The following WDFY4 variants were observed in gnomAD, a reference collection of about 807,000 sequenced individuals.
WDFY4 encodes WD repeat- and FYVE domain-containing protein 4.
WDFY4 carries 169 observed loss-of-function variants against 351.9 expected under a neutral mutation model. The observed-to-expected ratio is 0.48, with a 90% CI of 0.42 to 0.55. WDFY4 has a LOEUF of 0.55. Among genes scored for constraint, WDFY4 ranks in the 20% least tolerant of loss-of-function variants. The pLI is 0.00. For missense variants in WDFY4, 3,803 were observed against 3,935.6 expected, an observed-to-expected ratio of 0.97 and a Z score of 0.90; for synonymous variants, 1,622 against 1,574.6, an observed-to-expected ratio of 1.03 and a Z score of -0.71.
rs78218203 is a variant in WDFY4, at chr10:48,709,976, C to T, written c.234+10C>T. Reference sequence around the variant, plus strand: ...CCCCCTATTCCTAAAGGTTAGTGTTCTTATTTTTGAAACTGTAAGGTGATA... The same window carrying T: ...CCCCCTATTCCTAAAGGTTAGTGTTTTTATTTTTGAAACTGTAAGGTGATA... On this transcript the variant is annotated intron_variant, in intron 2 of 61. Coordinates refer to ENST00000325239, the MANE Select transcript of WDFY4 (RefSeq NM_001394531.1). The T allele has an allele frequency of 2.8e-3, 4,291 of 1,542,088 alleles. 93 individuals carry two copies. In the African/African-American group the frequency reaches 0.051, roughly 18 times the overall value.
intron 12 of WDFY4, among the ~76,000 whole-genome samples, chr10:48,756,478 T>C (rs2065341198): frequency 6.6e-6 from 1 of 152,024 alleles, no homozygotes; most frequent in Admixed American, 6.6e-5. Context: ...GTTTTTGGTC[T>C]TCCTTTCCAA....
At chr10:48,916,659 A>C (rs1015638495) in intron 47 of WDFY4, among the ~76,000 whole-genome samples, 3 of 152,218 alleles carry the variant, frequency 2.0e-5, no homozygotes, top group African/African-American at 7.2e-5. Flanking sequence ...GGAGCCACAG[A>C]GTTCAGAGAG....
chr10:48,822,365 C>G lies in WDFY4; in HGVS notation c.5825-15C>G, dbSNP rs780229363. ...CATTTAGACTCTCACCTCCACCTGT[C>G]CCCTCACTCCACAGACGGCAAAGAG... is the stretch of plus-strand genomic sequence containing the variant. On this transcript the variant is annotated splice_polypyrimidine_tract_variant and intron_variant, in intron 34 of 61. Transcript: ENST00000325239. 1.3e-6 allele frequency: 2 copies of G among 1,527,460 alleles called. No homozygotes were observed. Among genetic ancestry groups the G allele is most frequent in the Admixed American group, 4.0e-5 (2 of 49,550 alleles). The allele number at this position is 1,527,460 out of a possible 1,614,324, so 94.6% of individuals were successfully genotyped here. A position where few individuals can be genotyped will look rare whatever the true frequency, so the allele number is the denominator to read the frequency against.
chr10:48,804,617 C>T (rs2067194602), intron 25 of WDFY4: 2 of 613,122 alleles, frequency 3.3e-6, no homozygotes, highest in South Asian at 1.4e-4. Context: ...CCAAAGTCAC[C>T]CTCCTCCACA....
At chr10:48,929,233 G>A (rs1169811872) in intron 47 of WDFY4, among the ~76,000 whole-genome samples, 2 of 151,936 alleles carry the variant, frequency 1.3e-5, no homozygotes, top group Admixed American at 6.6e-5. Flanking sequence ...AGGAGAGAAG[G>A]AGGACAGAGG....
intron 47 of WDFY4, among the ~76,000 whole-genome samples, chr10:48,939,197 C>T (rs998466845): frequency 6.6e-6 from 1 of 152,222 alleles, no homozygotes; most frequent in Non-Finnish European, 1.5e-5. Flanking sequence ...AAGCAGGCCC[C>T]ACTCTGCCAC....
chr10:48,762,165 C>A lies in WDFY4; in HGVS notation c.2553+1725C>A, dbSNP rs569294039. Reference sequence around the variant, plus strand: ...TACTAGTTGGCATTATTAGTCACAGCCTAAAAATGACAGTGGCCTCATAAA... The same window carrying A: ...TACTAGTTGGCATTATTAGTCACAGACTAAAAATGACAGTGGCCTCATAAA... On this transcript the variant is annotated intron_variant, in intron 13 of 61. Coordinates refer to ENST00000325239, the MANE Select transcript of WDFY4 (RefSeq NM_001394531.1). Among the ~76,000 whole-genome samples the A allele has an allele frequency of 5.0e-4, 76 of 152,290 alleles. No homozygotes were observed. In the South Asian group the frequency reaches 0.015, roughly 29 times the overall value.
At chr10:48,872,479 C>G (rs1006192117) in intron 40 of WDFY4, among the ~76,000 whole-genome samples, 2 of 152,228 alleles carry the variant, frequency 1.3e-5, no homozygotes, top group African/African-American at 4.8e-5. Flanking sequence ...AGGTGCAGGG[C>G]TCAGCCTAAC....
At chr10:48,892,208 C>T (rs1836838767) in intron 44 of WDFY4, among the ~76,000 whole-genome samples, 1 of 152,236 alleles carries the variant, frequency 6.6e-6, no homozygotes, top group Non-Finnish European at 1.5e-5. Context: ...TAATCCACTG[C>T]TGTGCTCTTC....
At chr10:48,868,787 A>G (rs1480712027) in intron 40 of WDFY4, among the ~76,000 whole-genome samples, 1 of 152,204 alleles carries the variant, frequency 6.6e-6, no homozygotes, top group Non-Finnish European at 1.5e-5. Context: ...TCCAATGGTT[A>G]GAAGAGCCTG....
intron 31 of WDFY4, among the ~76,000 whole-genome samples, chr10:48,816,794 T>C (rs1039894305): frequency 1.3e-5 from 2 of 152,198 alleles, no homozygotes; most frequent in African/African-American, 4.8e-5. Flanking sequence ...ATATTAAAGA[T>C]GTGAATTTTA....
intron 42 of WDFY4, among the ~76,000 whole-genome samples, chr10:48,876,082 C>T (rs2069991958): frequency 6.6e-6 from 1 of 152,176 alleles, no homozygotes; most frequent in Non-Finnish European, 1.5e-5. Flanking sequence ...CCCTGGGTGT[C>T]TGTGACCCTG....
intron 47 of WDFY4, among the ~76,000 whole-genome samples, chr10:48,902,113 C>A (rs1274733044): frequency 6.6e-6 from 1 of 152,252 alleles, no homozygotes; most frequent in African/African-American, 2.4e-5. Flanking sequence ...AGGAAGCCAT[C>A]CTCTGCCTTT....
chr10:48,953,302 G>GTCTCTCTCTC (rs140127650), intron 51 of WDFY4, among the ~76,000 whole-genome samples: 13 of 126,020 alleles, frequency 1.0e-4, no homozygotes, highest in Admixed American at 2.5e-4. Flanking sequence ...CATGAGATAT[G>GTCTCTCTCTC]TCTCTCTCTC....
chr10:48,786,573 CT>C (rs2066412089), intron 19 of WDFY4, 65 bp from the exon 20 acceptor site: 8 of 1,245,914 alleles, frequency 6.4e-6, no homozygotes, highest in Middle Eastern at 2.2e-4. Flanking sequence ...TGTTATATCA[CT>C]TTGTATTTAC....
chr10:48,691,131 A>G (rs1017821941), intron 1 of WDFY4, among the ~76,000 whole-genome samples: 1 of 152,122 alleles, frequency 6.6e-6, no homozygotes, highest in Non-Finnish European at 1.5e-5. Flanking sequence ...CCAGGCCAGA[A>G]TTTGGGACAG....
intron 12 of WDFY4, among the ~76,000 whole-genome samples, chr10:48,749,002 C>G (rs975731617): frequency 2.0e-5 from 3 of 152,160 alleles, no homozygotes; most frequent in African/African-American, 7.2e-5. Context: ...CTTTATTTCT[C>G]TAATCTTCCA....
intron 23 of WDFY4, among the ~76,000 whole-genome samples, chr10:48,791,224 G>A (rs2066668633): frequency 6.6e-6 from 1 of 152,240 alleles, no homozygotes; most frequent in African/African-American, 2.4e-5. Context: ...GTGGCTGAGA[G>A]CCCAGGCTGC....
At chr10:48,943,214 C>T in intron 48 of WDFY4, 116 bp from the exon 49 acceptor site, 2 of 1,242,984 alleles carry the variant, frequency 1.6e-6, no homozygotes, top group Non-Finnish European at 2.2e-6. Flanking sequence ...GAGGGGCTGG[C>T]TGCCTGTCCT....
Sources: allele counts gnomAD v4.1 joint callset (sites outside exome capture counted in the v4.1 genomes callset), GRCh38; gene constraint gnomAD v4.1.1; transcripts MANE v1.5; gene names NCBI Gene and HGNC (gene_info 2026-07-23, HGNC 2026-07-21).